The following PDE11A variants were observed in gnomAD, a reference collection of about 807,000 sequenced individuals.
PDE11A encodes the protein dual 3',5'-cyclic-AMP and -GMP phosphodiesterase 11A.
A neutral mutation model predicts 100.5 loss-of-function variants in PDE11A; 100 were observed. The ratio of observed to expected loss-of-function variants is 1.00; its 90% CI spans 0.85 to 1.18. The LOEUF is 1.18. Among genes scored for constraint, PDE11A ranks in the 50% most tolerant of loss-of-function variants. The pLI is 0.00. For synonymous variants in PDE11A, 381 were observed against 420.8 expected (o/e 0.91, Z 1.16); for missense variants, 1,141 against 1,152.6 (o/e 0.99, Z 0.15).
At chr2:177,917,362 G>T (rs1038840583) in intron 2 of PDE11A, among the ~76,000 whole-genome samples, 5 of 152,088 alleles carry the variant, frequency 3.3e-5, no homozygotes, top group African/African-American at 1.2e-4. Context: ...TCTGGTAATA[G>T]TTCCCAGATC....
intron 1 of PDE11A, among the ~76,000 whole-genome samples, chr2:178,068,807 C>T (rs993690220): frequency 1.4e-4 from 21 of 152,094 alleles, no homozygotes; most frequent in African/African-American, 3.1e-4. Context: ...CCTACAACAA[C>T]CCTATAAAAA....
At chr2:177,783,338 A>G (rs1390690198) in intron 9 of PDE11A, among the ~76,000 whole-genome samples, 3 of 152,178 alleles carry the variant, frequency 2.0e-5, no homozygotes, top group Admixed American at 1.3e-4. Context: ...ATACTTCAGA[A>G]GTTCTCATAT....
chr2:178,058,151 TG>T (rs2086922430), intron 1 of PDE11A, among the ~76,000 whole-genome samples: 1 of 152,060 alleles, frequency 6.6e-6, no homozygotes, highest in African/African-American at 2.4e-5. Flanking sequence ...CCACTGCGCC[TG>T]GCCCCTAGCT....
intron 2 of PDE11A, among the ~76,000 whole-genome samples, chr2:178,007,984 G>A (rs1000025147): frequency 6.6e-6 from 1 of 152,056 alleles, no homozygotes; most frequent in African/African-American, 2.4e-5. Context: ...CAAATTACAG[G>A]CATGAGCCAT....
chr2:178,019,713 A>C (rs138396619), intron 1 of PDE11A, among the ~76,000 whole-genome samples: 2 of 152,314 alleles, frequency 1.3e-5, no homozygotes, highest in African/African-American at 4.8e-5. Flanking sequence ...GGTAAAGAGA[A>C]GTAGACAAAT....
intron 16 of PDE11A, among the ~76,000 whole-genome samples, chr2:177,678,380 C>T (rs550929475): frequency 5.9e-5 from 9 of 152,224 alleles, no homozygotes; most frequent in South Asian, 4.2e-4. Flanking sequence ...ACTTACATTA[C>T]GTGTGCAAAG....
chr2:177,839,735 G>GTA (rs2105622134), intron 6 of PDE11A, among the ~76,000 whole-genome samples: 1 of 152,232 alleles, frequency 6.6e-6, no homozygotes, highest in African/African-American at 2.4e-5. Flanking sequence ...GTATATATGA[G>GTA]TATATATATA....
At chr2:178,010,727 G>C (rs2086265221) in intron 2 of PDE11A, among the ~76,000 whole-genome samples, 1 of 152,190 alleles carries the variant, frequency 6.6e-6, no homozygotes, top group African/African-American at 2.4e-5. Flanking sequence ...AAAATTTTAT[G>C]ATCTCCCAAA....
chr2:178,017,863 G>A (rs1053556660), intron 1 of PDE11A: 4 of 152,488 alleles, frequency 2.6e-5, no homozygotes, highest in African/African-American at 7.2e-5. Context: ...AGGAGGCTGA[G>A]GCAGGAGAAT....
At chr2:177,998,455 A>G in intron 2 of PDE11A, 1 of 1,225,212 alleles carries the variant, frequency 8.2e-7, no homozygotes, top group Non-Finnish European at 1.2e-6. Flanking sequence ...TCTGACTCCA[A>G]AAGTTGCATT....
At position 177,660,097 on chromosome 2, in the gene PDE11A, T is replaced by TTCTCTC. The variant is rs146788797; in HGVS notation, c.2646+3763_2646+3768dup. ...TTTCTTTCTTTCTTTCTTTCTTTCTTTCTCTCTCTCTCTCTTTCTTTCTTT... is the reference window on the plus strand; with the variant it reads ...TTTCTTTCTTTCTTTCTTTCTTTCTTTCTCTCTCTCTCTCTCTCTCTTTCTTTCTTT... On this transcript the variant is annotated intron_variant, in intron 19 of 19. Coordinates refer to ENST00000286063, the MANE Select transcript of PDE11A (RefSeq NM_016953.4). Among the ~76,000 whole-genome samples the TTCTCTC allele has an allele frequency of 6.4e-4, 44 of 69,286 alleles. 3 individuals are homozygous for TTCTCTC. Among genetic ancestry groups the TTCTCTC allele is most frequent in the African/African-American group, 1.1e-3 (19 of 17,338 alleles). 45.5% of individuals were successfully genotyped at this position (69,286 alleles called of 152,430 possible).
chr2:177,697,405 A>G lies in PDE11A; in HGVS notation c.2272T>C (p.Ser758Pro). The change falls in exon 15 of 20, where the codon TCC becomes CCC. Residue 758 changes from serine to proline, a missense_variant. Ser to Pro is a moderately conservative substitution (Grantham distance 74). Transcript: ENST00000286063. ...TGCATAAGGTCACTATATTCCTTGGAGGACAGGTTAGCAAAGATATTGTGA... is the reference window on the plus strand; with the variant it reads ...TGCATAAGGTCACTATATTCCTTGGGGGACAGGTTAGCAAAGATATTGTGA... ...EGHNIFANLS[S>P]KEYSDLMQLL... is the part of the protein sequence containing the mutation. 2 of 1,588,864 alleles carry G rather than the reference A, an allele frequency of 1.3e-6. No homozygotes were observed. The highest frequency in any genetic ancestry group is 2.2e-5 in the East Asian group (1 of 44,630).
At chr2:177,678,545 T>C (rs930159278) in intron 16 of PDE11A, among the ~76,000 whole-genome samples, 5 of 152,170 alleles carry the variant, frequency 3.3e-5, no homozygotes, top group Non-Finnish European at 7.3e-5. Context: ...TGCTGGCACA[T>C]GGTGGTAATA....
chr2:177,782,825 C>A (rs1437656949), intron 9 of PDE11A, among the ~76,000 whole-genome samples: 1 of 151,618 alleles, frequency 6.6e-6, no homozygotes, highest in African/African-American at 2.4e-5. Context: ...CTCTCCCTTT[C>A]TTTTCTTTCT....
At chr2:177,946,666 C>T (rs2085437580) in intron 2 of PDE11A, among the ~76,000 whole-genome samples, 1 of 114,206 alleles carries the variant, frequency 8.8e-6, no homozygotes. Context: ...CGGCCAGCCG[C>T]CCCGTCCGGG....
At chr2:177,917,582 C>T (rs977851537) in intron 2 of PDE11A, among the ~76,000 whole-genome samples, 11 of 152,162 alleles carry the variant, frequency 7.2e-5, no homozygotes, top group Admixed American at 2.0e-4. Context: ...ACTACATTTG[C>T]GTGAGCATTT....
At chr2:177,785,764 C>T (rs965727786) in intron 9 of PDE11A, among the ~76,000 whole-genome samples, 1 of 152,200 alleles carries the variant, frequency 6.6e-6, no homozygotes, top group Non-Finnish European at 1.5e-5. Flanking sequence ...GGTCCTATGC[C>T]CATGGAGTCT....
At chr2:177,966,525 T>A (rs1365530935) in intron 2 of PDE11A, among the ~76,000 whole-genome samples, 1 of 152,002 alleles carries the variant, frequency 6.6e-6, no homozygotes, top group Admixed American at 6.6e-5. Context: ...TCCTGTTCCT[T>A]CAATGCCTAG....
chr2:177,712,746 T>G (rs1320386900), intron 12 of PDE11A, among the ~76,000 whole-genome samples: 8 of 152,180 alleles, frequency 5.3e-5, no homozygotes, highest in Non-Finnish European at 1.2e-4. Flanking sequence ...CTATGCATTT[T>G]CTTGATCGAA....
Sources: allele counts gnomAD v4.1 joint callset (sites outside exome capture counted in the v4.1 genomes callset), GRCh38; gene constraint gnomAD v4.1.1; transcripts MANE v1.5; gene names NCBI Gene and HGNC (gene_info 2026-07-23, HGNC 2026-07-21).